The following ABCG1 variants were observed in gnomAD, a reference collection of about 807,000 sequenced individuals.
The protein encoded by ABCG1 is ATP-binding cassette sub-family G member 1.
Under a neutral mutation model 69.2 loss-of-function variants are expected in ABCG1, and 29 were observed. That is an observed-to-expected ratio of 0.42 (90% CI 0.31 to 0.57). ABCG1 has a LOEUF of 0.57. Among genes scored for constraint, ABCG1 ranks in the 20% least tolerant of loss-of-function variants. The pLI is 0.15. For missense variants in ABCG1, 718 were observed against 898.1 expected (o/e 0.80, Z 2.56); for synonymous variants, 370 against 374.8 (o/e 0.99, Z 0.15).
chr21:42,275,692 G>A (rs953517600), intron 4 of ABCG1, among the ~76,000 whole-genome samples: 20 of 152,154 alleles, frequency 1.3e-4, no homozygotes, highest in African/African-American at 4.6e-4. Context: ...CACCGAACCT[G>A]CTGTGAAATG....
In ABCG1 at chr21:42,225,863, T is replaced by C. The variant is rs1372868565; in HGVS notation, c.235T>C (p.Phe79Leu). 5 of 1,613,822 alleles carry C rather than the reference T, an allele frequency of 3.1e-6. No homozygotes were observed. Among genetic ancestry groups the C allele is most frequent in the Middle Eastern group, 1.7e-4 (1 of 5,926 alleles). ...LPRRAAVNIE[F>L]RDLSYSVPEG... is the part of the protein sequence containing the mutation. Reference sequence around the variant, plus strand: ...TCGGAGGGCAGCTGTGAACATTGAATTCAGGGACCTTTCCTATTCGGTTCC... The same window carrying C: ...TCGGAGGGCAGCTGTGAACATTGAACTCAGGGACCTTTCCTATTCGGTTCC... The change falls in exon 2 of 15, where the codon TTC becomes CTC. Residue 79 changes from phenylalanine to leucine, a missense_variant. Physicochemically the swap from Phe to Leu is conservative, Grantham distance 22. This residue lies in a region of ABCG1 where 514 missense variants were observed against 574.3 expected (regional missense o/e 0.90). Coordinates refer to ENST00000398449, the MANE Select transcript of ABCG1 (RefSeq NM_016818.3).
chr21:42,282,967 T>C (rs2068840840), intron 6 of ABCG1, among the ~76,000 whole-genome samples: 1 of 152,132 alleles, frequency 6.6e-6, no homozygotes, highest in Admixed American at 6.5e-5. Flanking sequence ...GGTGATGCCC[T>C]TTATGTTTGG....
intron 1 of ABCG1, chr21:42,201,533 C>G: frequency 1.5e-6 from 2 of 1,336,996 alleles, no homozygotes; most frequent in Non-Finnish European, 2.0e-6. Context: ...CTGAGTTAAT[C>G]TGAGTGAGCT....
At chr21:42,290,264 A>G in intron 11 of ABCG1, 46 bp downstream of exon 11, 1 of 1,587,126 alleles carries the variant, frequency 6.3e-7, no homozygotes. Context: ...TTCAATTCCT[A>G]CCCAAGCATG....
intron 13 of ABCG1, among the ~76,000 whole-genome samples, chr21:42,293,029 T>TACACAGTACACACC (rs2069104586): frequency 2.4e-5 from 2 of 82,130 alleles, no homozygotes; most frequent in African/African-American, 4.9e-5. Flanking sequence ...CACACCACAC[T>TACACAGTACACACC]ACACACTACA....
At chr21:42,236,792 G>C (rs1212606656) in intron 2 of ABCG1, among the ~76,000 whole-genome samples, 1 of 152,200 alleles carries the variant, frequency 6.6e-6, no homozygotes, top group Non-Finnish European at 1.5e-5. Flanking sequence ...GTACATCTAT[G>C]ATAACTATGG....
intron 13 of ABCG1, among the ~76,000 whole-genome samples, chr21:42,292,178 C>T (rs192741551): frequency 1.3e-4 from 20 of 152,240 alleles, no homozygotes; most frequent in Middle Eastern, 3.4e-3. Flanking sequence ...TTAGGACGCT[C>T]GGCCTCAGCC....
At chr21:42,289,817 CAT>C (rs569266826) in intron 10 of ABCG1, among the ~76,000 whole-genome samples, 7 of 152,270 alleles carry the variant, frequency 4.6e-5, no homozygotes, top group South Asian at 4.1e-4. Flanking sequence ...AAAAGCCTGA[CAT>C]GTGTGCATAT....
At chr21:42,280,795 G>A (rs1374239482) in intron 5 of ABCG1, among the ~76,000 whole-genome samples, 1 of 152,228 alleles carries the variant, frequency 6.6e-6, no homozygotes, top group Admixed American at 6.5e-5. Flanking sequence ...CCACTCAGTC[G>A]GCCAAGAGCG....
In ABCG1 at chr21:42,219,416, TG is replaced by T; in HGVS notation, c.42+115del. The T allele has an allele frequency of 7.0e-7, 1 of 1,433,212 alleles. No homozygotes were observed. The highest frequency in any genetic ancestry group is 9.3e-7 in the Non-Finnish European group (1 of 1,080,728). 88.8% of individuals were successfully genotyped at this position (1,433,212 alleles called of 1,614,324 possible). On this transcript the variant is annotated intron_variant, in intron 1 of 14. Coordinates refer to ENST00000398449, the MANE Select transcript of ABCG1 (RefSeq NM_016818.3). This position sits in a 1 kb window ranked among gnomAD's most constrained non-coding sequence, Gnocchi z 5.3. ...ACACCCCTCCCAGGAGCGCGTCCTC[TG>T]GGCGCTGACCCAGGGCACCCTAGAG...
In ABCG1 at chr21:42,233,322, A is replaced by T. The variant is rs1251356531; in HGVS notation, c.286+7408A>T. Among the ~76,000 whole-genome samples, 3 of 152,226 alleles carry T rather than the reference A, an allele frequency of 2.0e-5. No individual in the cohort carries two copies. The East Asian group carries it at 5.8e-4, about 29-fold the overall frequency. On this transcript the variant is annotated intron_variant, in intron 2 of 14. Coordinates refer to ENST00000398449, the MANE Select transcript of ABCG1 (RefSeq NM_016818.3). ...TATTTAGAGTCCAAATCTTGGAGCCAAAAGGAGTCGTGCTGCCGTAGCCCG... is the reference window on the plus strand; with the variant it reads ...TATTTAGAGTCCAAATCTTGGAGCCTAAAGGAGTCGTGCTGCCGTAGCCCG...
Position 42,269,067 on chromosome 21 carries a change from C to T in ABCG1, c.287-2003C>T, listed in dbSNP as rs116780208. On this transcript the variant is annotated intron_variant, in intron 2 of 14. Transcript: ENST00000398449. ...CCGAGGCATGAACCCTCAGGTGGGT[C>T]GTGGCCATAGTCAGATGATGGCTGC... Among the ~76,000 whole-genome samples the T allele has an allele frequency of 6.3e-3, 960 of 152,272 alleles. 15 individuals are homozygous for T. Among genetic ancestry groups the T allele is most frequent in the African/African-American group, 0.022 (901 of 41,540 alleles).
chr21:42,201,595 T>G lies in ABCG1; in HGVS notation c.-81T>G, dbSNP rs902109210. 7 of 1,548,470 alleles carry G rather than the reference T, an allele frequency of 4.5e-6. No homozygotes were observed. In the African/African-American group the frequency reaches 8.2e-5, roughly 18 times the overall value. ...ACCACAGCGCTACACCAACCTGAAC[T>G]TCGCTTCCTGAGACCTAAGATTCAG... On this transcript the variant is annotated 5_prime_UTR_variant, in exon 2 of 16. Transcript: ENST00000398457.
intron 2 of ABCG1, among the ~76,000 whole-genome samples, chr21:42,204,771 C>G (rs887197590): frequency 6.6e-6 from 1 of 152,070 alleles, no homozygotes; most frequent in Non-Finnish European, 1.5e-5. Context: ...ACTAAGGCCT[C>G]GAACTCCTGG....
chr21:42,240,195 C>A (rs988416865), intron 2 of ABCG1, among the ~76,000 whole-genome samples: 1 of 152,190 alleles, frequency 6.6e-6, no homozygotes, highest in Admixed American at 6.5e-5. Flanking sequence ...GGGTCTCCAA[C>A]GGCCACACGA....
intron 2 of ABCG1, among the ~76,000 whole-genome samples, chr21:42,240,129 C>T (rs1014863690): frequency 2.0e-5 from 3 of 152,218 alleles, no homozygotes; most frequent in African/African-American, 4.8e-5. Context: ...AGGATGAGGG[C>T]GGCTGTAGCC....
intron 1 of ABCG1, among the ~76,000 whole-genome samples, chr21:42,222,617 G>C (rs758763501): frequency 2.6e-5 from 4 of 152,182 alleles, no homozygotes; most frequent in Non-Finnish European, 5.9e-5. Flanking sequence ...AAGCAATTCA[G>C]ACCATGTCTC....
rs532929409 is a variant in ABCG1, at chr21:42,296,474, G to A, written c.*82G>A. 74 of 1,273,396 alleles carry A rather than the reference G, an allele frequency of 5.8e-5. No homozygotes were observed. The highest frequency in any genetic ancestry group is 2.4e-4 in the Middle Eastern group (1 of 4,108). The allele number at this position is 1,273,396 out of a possible 1,614,324, so 78.9% of individuals were successfully genotyped here. On this transcript the variant is annotated 3_prime_UTR_variant, in exon 15 of 15. Coordinates refer to ENST00000398449, the MANE Select transcript of ABCG1 (RefSeq NM_016818.3). This position sits in a 1 kb window ranked among gnomAD's most constrained non-coding sequence, Gnocchi z 5.4. The stretch of plus-strand genomic sequence containing the variant: ...GAATCGAGGAGGCAAGCCTGTGCCC[G>A]ACCGACGACACAGAGACTCTTCTGA...
chr21:42,220,059 T>C (rs4148100), intron 1 of ABCG1: 218,417 of 1,548,474 alleles, frequency 0.14, 16,807 homozygotes, highest in Admixed American at 0.22. Context: ...AAGTGCTGTT[T>C]CCAGGGGTGG....
Sources: allele counts gnomAD v4.1 joint callset (sites outside exome capture counted in the v4.1 genomes callset), GRCh38; gene constraint gnomAD v4.1.1; regional missense constraint gnomAD v4.1.1; non-coding constraint Gnocchi (gnomAD v3.1); transcripts MANE v1.5; gene names NCBI Gene and HGNC (gene_info 2026-07-23, HGNC 2026-07-21).